The following SYT2 variants were observed in gnomAD, a reference collection of about 807,000 sequenced individuals.
SYT2 encodes the protein synaptotagmin-2.
SYT2 carries 15 observed loss-of-function variants against 39.9 expected under a neutral mutation model. The observed-to-expected ratio is 0.38, with a 90% confidence interval of 0.25 to 0.58. The LOEUF (loss-of-function observed/expected upper bound fraction) is 0.58, where lower values mean the gene tolerates loss of function less well. SYT2 is among the 20% of genes least tolerant of loss of function. The probability of loss-of-function intolerance (pLI) is 0.70; values close to 1 mark genes in which losing one functional copy is unlikely to be tolerated. For synonymous variants in SYT2, 181 were observed against 204.5 expected (o/e 0.89, Z 0.98); for missense variants, 389 against 530.3 (o/e 0.73, Z 2.62).
chr1:202,647,881 T>C (rs1288983704), intron 1 of SYT2, among the ~76,000 whole-genome samples: 1 of 151,600 alleles, frequency 6.6e-6, no homozygotes, highest in Non-Finnish European at 1.5e-5. Flanking sequence ...CTCTTAGTGC[T>C]TGTATAGAGC....
intron 1 of SYT2, among the ~76,000 whole-genome samples, chr1:202,678,273 C>CAAAAAAAAAAAA (rs773123862): frequency 2.0e-4 from 6 of 30,728 alleles, no homozygotes; most frequent in African/African-American, 7.5e-4. Flanking sequence ...GACTCTGTCT[C>CAAAAAAAAAAAA]AAAAAAAAAA....
Position 202,617,460 on chromosome 1 carries a change from T to C in SYT2, c.-17-11671A>G, listed in dbSNP as rs376531124. On this transcript the variant is annotated intron_variant, in intron 1 of 8. Transcript: ENST00000367268. Reference sequence around the variant, plus strand: ...CCTCCCCCCATGATTGTAAGTTTCCTGAGGCCTCTCCAGAAGCCGAGCAGA... The same window carrying C: ...CCTCCCCCCATGATTGTAAGTTTCCCGAGGCCTCTCCAGAAGCCGAGCAGA... Among the ~76,000 whole-genome samples, 19 of 152,282 alleles carry C rather than the reference T, an allele frequency of 1.2e-4. 1 individual carries two copies. The highest frequency in any genetic ancestry group is 6.5e-4 in the Admixed American group (10 of 15,306).
At chr1:202,682,906 G>T (rs945627852) in intron 1 of SYT2, among the ~76,000 whole-genome samples, 4 of 152,114 alleles carry the variant, frequency 2.6e-5, no homozygotes, top group African/African-American at 4.8e-5. Context: ...AAATCAATAA[G>T]AAGAAGATGA....
At position 202,632,492 on chromosome 1, in the gene SYT2, G is replaced by A. The variant is rs1347364237; in HGVS notation, c.-17-26703C>T. ...CTATAACCAGTGGAAGAAAGGCTGC[G>A]TAGCCATCGCCGGATCTCTAGGTAA... On this transcript the variant is annotated intron_variant, in intron 1 of 8. Coordinates refer to ENST00000367268, the MANE Select transcript of SYT2 (RefSeq NM_177402.5). 10 of 920,092 alleles carry A rather than the reference G, an allele frequency of 1.1e-5. No individual in the cohort carries two copies. In the East Asian group the frequency reaches 3.5e-4, roughly 32 times the overall value. 57.0% of individuals were successfully genotyped at this position (920,092 alleles called of 1,614,324 possible).
chr1:202,696,943 C>A (rs924402855), intron 1 of SYT2, among the ~76,000 whole-genome samples: 14 of 152,210 alleles, frequency 9.2e-5, no homozygotes, highest in Non-Finnish European at 2.1e-4. Context: ...TCTCCCCCAC[C>A]ACCTCTGTCA....
chr1:202,680,227 G>A lies in SYT2; in HGVS notation c.-18+30031C>T, dbSNP rs145802614. Among the ~76,000 whole-genome samples the A allele has an allele frequency of 2.7e-4, 41 of 152,294 alleles. No individual in the cohort carries two copies. The East Asian group carries it at 6.0e-3, about 22-fold the overall frequency. The stretch of plus-strand genomic sequence containing the variant: ...TAAAATCAAACCTGAAAATTCAGAG[G>A]ATTCAAATTAATATAGGCCATTATG... On this transcript the variant is annotated intron_variant, in intron 1 of 8. Transcript: ENST00000367268.
chr1:202,678,848 G>A (rs1250415737), intron 1 of SYT2, among the ~76,000 whole-genome samples: 4 of 152,122 alleles, frequency 2.6e-5, no homozygotes, highest in South Asian at 4.1e-4. Context: ...ACGTGTGGCT[G>A]TTCCCTGCTG....
In SYT2 at chr1:202,601,987, T is replaced by C; in HGVS notation, c.704A>G (p.His235Arg). Reference sequence around the variant, plus strand: ...CACCTTTACCTCTCCAATGATGTCATGTTTGGAGAAGCGGTCAAAGTCATA... The same window carrying C: ...CACCTTTACCTCTCCAATGATGTCACGTTTGGAGAAGCGGTCAAAGTCATA... Reference protein sequence around the residue: ...AIYDFDRFSKHDIIGEVKVPM... With the variant: ...AIYDFDRFSKRDIIGEVKVPM... The change falls in exon 6 of 9, where the codon CAT (histidine) becomes CGT (arginine). Residue 235 changes from histidine (H) to arginine (R), a missense_variant. By Grantham distance (29) the His-to-Arg change is conservative. Transcript: ENST00000367268. This position sits in a 1 kb window ranked among gnomAD's most constrained non-coding sequence, Gnocchi z 4.0. The C allele has an allele frequency of 1.2e-6, 2 of 1,614,140 alleles. No individual in the cohort carries two copies. The highest frequency in any genetic ancestry group is 1.7e-6 in the Non-Finnish European group (2 of 1,180,022).
At chr1:202,698,139 CAA>C (rs1654022515) in intron 1 of SYT2, among the ~76,000 whole-genome samples, 1 of 152,036 alleles carries the variant, frequency 6.6e-6, no homozygotes, top group African/African-American at 2.4e-5. Flanking sequence ...TCACTCTGCT[CAA>C]GTGACCCCTC....
intron 1 of SYT2, chr1:202,631,891 C>T (rs1216012294): frequency 2.5e-6 from 1 of 396,260 alleles, no homozygotes; most frequent in African/African-American, 2.2e-5. Context: ...CCCTTCCAAC[C>T]CTGAGAGCCT....
rs7543699 is a variant in SYT2, at chr1:202,628,131, C to T, written c.-17-22342G>A. 0.28 allele frequency among the ~76,000 whole-genome samples: 42,594 copies of T among 152,148 alleles called. 6,215 individuals are homozygous for T. Among genetic ancestry groups the T allele is most frequent in the Non-Finnish European group, 0.31 (21,006 of 67,970 alleles). ...AGGGAGACCTCCACTGTGCCCACTCCGTGCCAGCGGCATATTTCATTTCAT... is the reference window on the plus strand; with the variant it reads ...AGGGAGACCTCCACTGTGCCCACTCTGTGCCAGCGGCATATTTCATTTCAT... On this transcript the variant is annotated intron_variant, in intron 1 of 8. Coordinates refer to ENST00000367268, the MANE Select transcript of SYT2 (RefSeq NM_177402.5). This position sits in a 1 kb window ranked among gnomAD's most constrained non-coding sequence, Gnocchi z 4.2.
chr1:202,684,346 CT>C (rs67646766), intron 1 of SYT2, among the ~76,000 whole-genome samples: 31 of 147,400 alleles, frequency 2.1e-4, no homozygotes, highest in East Asian at 5.9e-4. Context: ...ATTTATTCAG[CT>C]TTTTTTTTTT....
At chr1:202,625,064 G>A in intron 1 of SYT2, among the ~76,000 whole-genome samples, 1 of 152,052 alleles carries the variant, frequency 6.6e-6, no homozygotes, top group African/African-American at 2.4e-5. Flanking sequence ...GGTGTGTGGT[G>A]TGTAGTAGGG....
intron 1 of SYT2, among the ~76,000 whole-genome samples, chr1:202,664,518 T>C (rs1450297584): frequency 6.6e-6 from 1 of 152,216 alleles, no homozygotes; most frequent in African/African-American, 2.4e-5. Context: ...AAGCATTTCC[T>C]TGTGCCTCTC....
In SYT2 at chr1:202,614,066, C is replaced by T. The variant is rs1572624930; in HGVS notation, c.-17-8277G>A. On this transcript the variant is annotated intron_variant, in intron 1 of 8. Transcript: ENST00000367268. The surrounding 1 kb of genome is among the most constrained non-coding windows in gnomAD (Gnocchi z 4.0). ...AGGCACCTGGAAGTGGCCCTGGCACCGTAGAGGGACCCAAGGTTCATGGTG... is the reference window on the plus strand; with the variant it reads ...AGGCACCTGGAAGTGGCCCTGGCACTGTAGAGGGACCCAAGGTTCATGGTG... Among the ~76,000 whole-genome samples, 1 of 152,172 alleles carries T rather than the reference C, an allele frequency of 6.6e-6. No homozygotes were observed. Among genetic ancestry groups the T allele is most frequent in the African/African-American group, 2.4e-5 (1 of 41,428 alleles).
At chr1:202,602,087 C>G in intron 5 of SYT2, 30 bp from the exon 6 acceptor site, 1 of 1,611,876 alleles carries the variant, frequency 6.2e-7, no homozygotes. Flanking sequence ...TCAGAGGGGG[C>G]CAGAGCGACT....
intron 1 of SYT2, chr1:202,630,284 G>A: frequency 1.4e-6 from 1 of 719,982 alleles, no homozygotes; most frequent in East Asian, 1.3e-4. Context: ...GCTGACCCCT[G>A]GCTCCCACAC....
chr1:202,640,782 G>C (rs1344233981), intron 1 of SYT2, among the ~76,000 whole-genome samples: 1,380 of 126,288 alleles, frequency 0.011, 49 homozygotes, highest in African/African-American at 0.043. Context: ...GAGAGAGAGA[G>C]AGAGAGAGAG....
At chr1:202,678,070 T>C (rs553147456) in intron 1 of SYT2, among the ~76,000 whole-genome samples, 1 of 152,160 alleles carries the variant, frequency 6.6e-6, no homozygotes. Flanking sequence ...GGTCAGGAGT[T>C]CAAGACCAGC....
Sources: gnomAD v4.1 joint callset for allele counts (sites outside exome capture counted in the v4.1 genomes callset) on GRCh38, gnomAD v4.1.1 for gene constraint, Gnocchi (gnomAD v3.1) non-coding constraint, MANE v1.5 for transcripts, NCBI Gene and HGNC (gene_info 2026-07-23, HGNC 2026-07-21) for gene names.